SEMA6D: variants seen among roughly 807,000 people sequenced by gnomAD.
SEMA6D encodes the protein semaphorin 6D.
A neutral mutation model predicts 106.6 loss-of-function variants in SEMA6D; 35 were observed. The ratio of observed to expected loss-of-function variants is 0.33; its 90% confidence interval spans 0.25 to 0.44. SEMA6D has a LOEUF of 0.44. SEMA6D is among the 20% of genes least tolerant of loss of function. The probability of loss-of-function intolerance (pLI) is 1.00; values close to 1 mark genes in which losing one functional copy is unlikely to be tolerated. For missense variants in SEMA6D, 1,185 were observed against 1,345.9 expected, an observed-to-expected ratio of 0.88 and a Z score of 1.87; for synonymous variants, 499 against 487.7, an observed-to-expected ratio of 1.02 and a Z score of -0.31.
chr15:47,306,508 G>C (rs2036239107), intron 1 of SEMA6D, among the ~76,000 whole-genome samples: 1 of 152,060 alleles, frequency 6.6e-6, no homozygotes, highest in South Asian at 2.1e-4. Context: ...GATCACCTGA[G>C]GTCAGCAGTT....
At chr15:47,256,975 A>G (rs1293414423) in intron 1 of SEMA6D, among the ~76,000 whole-genome samples, 1 of 152,088 alleles carries the variant, frequency 6.6e-6, no homozygotes, top group Non-Finnish European at 1.5e-5. Flanking sequence ...TTTCCAATCA[A>G]TATGATTTTA....
chr15:47,609,065 A>C (rs917275691), intron 4 of SEMA6D, among the ~76,000 whole-genome samples: 1 of 152,188 alleles, frequency 6.6e-6, no homozygotes, highest in Non-Finnish European at 1.5e-5. Flanking sequence ...CACTCAATAC[A>C]ATAGCTTAAA....
At chr15:47,515,300 T>C (rs917850581) in intron 3 of SEMA6D, among the ~76,000 whole-genome samples, 3 of 152,200 alleles carry the variant, frequency 2.0e-5, no homozygotes, top group African/African-American at 7.2e-5. Flanking sequence ...CATATCTGTC[T>C]TCTGTTACTT....
chr15:47,214,071 A>G (rs946838295), intron 1 of SEMA6D, among the ~76,000 whole-genome samples: 9 of 152,172 alleles, frequency 5.9e-5, no homozygotes, highest in African/African-American at 1.9e-4. Flanking sequence ...CATGTGTGTC[A>G]GCATGGAGAA....
chr15:47,303,214 C>T (rs1188774687), intron 1 of SEMA6D, among the ~76,000 whole-genome samples: 1 of 152,172 alleles, frequency 6.6e-6, no homozygotes, highest in East Asian at 1.9e-4. Context: ...AAGTCTAAGA[C>T]AACTGGTGAA....
Position 47,764,764 on chromosome 15 carries a change from T to C in SEMA6D, c.1224T>C (p.Asp408=), listed in dbSNP as rs1207412520. 4 of 1,613,384 alleles carry C rather than the reference T, an allele frequency of 2.5e-6. No individual in the cohort carries two copies. The highest frequency in any genetic ancestry group is 4.5e-5 in the East Asian group (2 of 44,834). ...ACTCTGCCGTTCCACCCATTGCCGA[T>C]GAGCCCTGGTTCACAAAGACTCGGG... The part of the protein sequence containing the change: ...LMDSAVPPIA[D]EPWFTKTRVR... Residue 408 remains aspartate (D), a synonymous_variant, in exon 12 of 19, where the codon GAT becomes GAC. Coordinates refer to ENST00000536845, the MANE Select transcript of SEMA6D (RefSeq NM_001358351.3).
At chr15:47,243,315 G>A (rs2033022428) in intron 1 of SEMA6D, among the ~76,000 whole-genome samples, 1 of 151,826 alleles carries the variant, frequency 6.6e-6, no homozygotes, top group Non-Finnish European at 1.5e-5. Context: ...CTGGTTATTT[G>A]TGTCCCAATA....
chr15:47,413,653 A>T (rs1279468471), intron 2 of SEMA6D, among the ~76,000 whole-genome samples: 1 of 151,374 alleles, frequency 6.6e-6, no homozygotes, highest in Non-Finnish European at 1.5e-5. Flanking sequence ...CTTCCTAATT[A>T]AAAAAAAATT....
intron 1 of SEMA6D, among the ~76,000 whole-genome samples, chr15:47,744,103 A>C (rs986899668): frequency 1.3e-5 from 2 of 152,194 alleles, no homozygotes; most frequent in African/African-American, 4.8e-5. Context: ...TGGGTAATAA[A>C]GATAAAGTAG....
chr15:47,540,535 G>A (rs112982215), intron 3 of SEMA6D, among the ~76,000 whole-genome samples: 2 of 152,066 alleles, frequency 1.3e-5, no homozygotes, highest in African/African-American at 2.4e-5. Flanking sequence ...TCCTGGTAAC[G>A]CAGGCAGGCT....
At chr15:47,552,906 A>AT (rs2045798821) in intron 3 of SEMA6D, among the ~76,000 whole-genome samples, 14 of 41,756 alleles carry the variant, frequency 3.4e-4, no homozygotes, top group Admixed American at 9.9e-4. Flanking sequence ...ATATATATAT[A>AT]AATATATATA....
intron 1 of SEMA6D, among the ~76,000 whole-genome samples, chr15:47,276,351 A>T (rs1213156790): frequency 6.6e-6 from 1 of 152,126 alleles, no homozygotes; most frequent in African/African-American, 2.4e-5. Flanking sequence ...TTGGATTTTC[A>T]TAGCTAGAGA....
At chr15:47,708,468 T>TA (rs760510561) in intron 4 of SEMA6D, among the ~76,000 whole-genome samples, 1 of 152,244 alleles carries the variant, frequency 6.6e-6, no homozygotes, top group Non-Finnish European at 1.5e-5. Context: ...CCTGCAGTAT[T>TA]ATGCATTTCC....
At chr15:47,187,439 G>A (rs1440515444) in intron 1 of SEMA6D, among the ~76,000 whole-genome samples, 2 of 152,116 alleles carry the variant, frequency 1.3e-5, no homozygotes, top group African/African-American at 2.4e-5. Context: ...ATATTTAAAC[G>A]TACTGTCTTT....
intron 2 of SEMA6D, among the ~76,000 whole-genome samples, chr15:47,451,442 A>G (rs142933617): frequency 3.9e-5 from 6 of 152,112 alleles, no homozygotes; most frequent in Non-Finnish European, 8.8e-5. Flanking sequence ...ACAGCTTCCC[A>G]ATACTACAGA....
At chr15:47,196,559 C>T (rs1443816678) in intron 1 of SEMA6D, among the ~76,000 whole-genome samples, 2 of 152,010 alleles carry the variant, frequency 1.3e-5, no homozygotes, top group Non-Finnish European at 2.9e-5. Context: ...ATTCTTTTTT[C>T]CTTCTTTGGT....
intron 2 of SEMA6D, among the ~76,000 whole-genome samples, chr15:47,426,718 A>G (rs534455226): frequency 6.6e-6 from 1 of 152,266 alleles, no homozygotes; most frequent in African/African-American, 2.4e-5. Context: ...TCACACACAT[A>G]CATATATAAT....
intron 4 of SEMA6D, among the ~76,000 whole-genome samples, chr15:47,668,434 G>C (rs1203345435): frequency 6.6e-6 from 1 of 152,114 alleles, no homozygotes; most frequent in South Asian, 2.1e-4. Flanking sequence ...TGGGTATAAA[G>C]AGCTGCGTAA....
At chr15:47,404,966 T>C (rs564699624) in intron 1 of SEMA6D, among the ~76,000 whole-genome samples, 1 of 152,088 alleles carries the variant, frequency 6.6e-6, no homozygotes, top group African/African-American at 2.4e-5. Flanking sequence ...CAAGGTGTCA[T>C]GAGAAAGTCT....
Sources: gnomAD v4.1 joint callset for allele counts (sites outside exome capture counted in the v4.1 genomes callset) on GRCh38, gnomAD v4.1.1 for gene constraint, MANE v1.5 for transcripts, NCBI Gene and HGNC (gene_info 2026-07-23, HGNC 2026-07-21) for gene names.